The following ADCY5 variants were observed in gnomAD, a reference collection of about 807,000 sequenced individuals.
ADCY5 encodes adenylate cyclase type 5.
In ADCY5, 30 loss-of-function variants were observed where a neutral mutation model predicts 119.7. The ratio of observed to expected loss-of-function variants is 0.25; its 90% CI spans 0.19 to 0.34. The LOEUF (loss-of-function observed/expected upper bound fraction) is 0.34, where lower values mean the gene tolerates loss of function less well. Ranked by LOEUF, ADCY5 falls within the 10% of genes least tolerant of loss-of-function variation. The probability of loss-of-function intolerance (pLI) is 1.00; values close to 1 mark genes in which losing one functional copy is unlikely to be tolerated. For missense variants in ADCY5, 1,324 were observed against 1,775.2 expected (o/e 0.75, Z 4.57); for synonymous variants, 753 against 762.2 (o/e 0.99, Z 0.20).
intron 1 of ADCY5, among the ~76,000 whole-genome samples, chr3:123,400,766 G>A (rs1415588872): frequency 6.6e-6 from 1 of 152,168 alleles, no homozygotes; most frequent in African/African-American, 2.4e-5. Context: ...CCAATATGGT[G>A]AAACCCCATC....
rs146379370 is a variant in ADCY5, at chr3:123,447,550, G to T, written c.996C>A (p.Thr332=). 23 of 1,609,318 alleles carry T rather than the reference G, an allele frequency of 1.4e-5. No homozygotes were observed. The highest frequency in any genetic ancestry group is 1.6e-5 in the Non-Finnish European group (19 of 1,179,624). The change falls in exon 1 of 21, where the codon ACC becomes ACA. Residue 332 remains threonine, a synonymous_variant. Coordinates refer to ENST00000462833, the MANE Select transcript of ADCY5 (RefSeq NM_183357.3). Reference sequence around the variant, plus strand: ...TGTAGATGGTGTAGATGAAGAACACGGTCCACCAGATGCCCTCAGAGGCGC... The same window carrying T: ...TGTAGATGGTGTAGATGAAGAACACTGTCCACCAGATGCCCTCAGAGGCGC... ...PRSASEGIWW[T]VFFIYTIYTL...
rs1559851025 is a variant in ADCY5 at position 123,382,860 on chromosome 3, C to T, written c.1135-30279G>A. 2.6e-5 allele frequency among the ~76,000 whole-genome samples: 3 copies of T among 115,242 alleles called. No homozygotes were observed. In the South Asian group the frequency reaches 9.9e-4, roughly 38 times the overall value. 75.6% of individuals were successfully genotyped at this position (115,242 alleles called of 152,430 possible). On this transcript the variant is annotated intron_variant, in intron 1 of 20. Transcript: ENST00000462833. ...GTGGCTGCCCACCATGGTGAATGTA[C>T]GTAATGTCTGACTGGCACACTTAAA...
chr3:123,429,684 A>G (rs1250862475), intron 1 of ADCY5, among the ~76,000 whole-genome samples: 2 of 152,218 alleles, frequency 1.3e-5, no homozygotes, highest in African/African-American at 2.4e-5. Flanking sequence ...CCCATCCTCA[A>G]GAGGGCAGGG....
chr3:123,286,938 CTGTG>C lies in ADCY5; in HGVS notation c.3533-133_3533-130del. The C allele has an allele frequency of 6.1e-6, 8 of 1,307,738 alleles. No homozygotes were observed. The highest frequency in any genetic ancestry group is 8.1e-6 in the Non-Finnish European group (8 of 982,256). 81.0% of individuals were successfully genotyped at this position (1,307,738 alleles called of 1,614,324 possible). A position where few individuals can be genotyped will look rare whatever the true frequency, so the allele number is the denominator to read the frequency against. On this transcript the variant is annotated intron_variant, in intron 19 of 20. Transcript: ENST00000462833. This position sits in a 1 kb window ranked among gnomAD's most constrained non-coding sequence, Gnocchi z 4.2. Reference sequence around the variant, plus strand: ...CACCCGTGGGCTTCCAGGCCCAAGGCTGTGCTAAACCCTGCAGCCTCCCGCTACC... The same window carrying C: ...CACCCGTGGGCTTCCAGGCCCAAGGCCTAAACCCTGCAGCCTCCCGCTACC...
chr3:123,388,741 C>A (rs1274111481), intron 1 of ADCY5, among the ~76,000 whole-genome samples: 1 of 152,188 alleles, frequency 6.6e-6, no homozygotes, highest in African/African-American at 2.4e-5. Flanking sequence ...CCAGAGCAAG[C>A]AGTGCCAGGT....
At chr3:123,341,198 T>C (rs1247583955) in intron 3 of ADCY5, among the ~76,000 whole-genome samples, 2 of 152,084 alleles carry the variant, frequency 1.3e-5, no homozygotes, top group Non-Finnish European at 2.9e-5. Flanking sequence ...CTATTCACAA[T>C]AGCCAAAAAG....
At chr3:123,402,723 G>T (rs1398062220) in intron 1 of ADCY5, among the ~76,000 whole-genome samples, 1 of 151,988 alleles carries the variant, frequency 6.6e-6, no homozygotes, top group East Asian at 1.9e-4. Context: ...CGTGGTGGTG[G>T]GTGCCTGTAG....
chr3:123,327,660 G>A lies in ADCY5; in HGVS notation c.1905C>T (p.His635=), dbSNP rs1941559131. Residue 635 remains histidine, a synonymous_variant, in exon 7 of 21, where the codon CAC becomes CAT. Coordinates refer to ENST00000462833, the MANE Select transcript of ADCY5 (RefSeq NM_183357.3). ...GCAGGATGAGGAAGGTCTCGATACT[G>A]TGCTCCTTGAGGTAGGCGTTGCGCT... ...GGERNAYLKE[H]SIETFLILRC... is the part of the protein sequence containing the mutation. 1.9e-6 allele frequency: 3 copies of A among 1,614,126 alleles called. No homozygotes were observed. Among genetic ancestry groups the A allele is most frequent in the African/African-American group, 1.3e-5 (1 of 75,036 alleles).
chr3:123,302,032 G>C (rs1235294276), intron 14 of ADCY5, among the ~76,000 whole-genome samples: 1 of 152,254 alleles, frequency 6.6e-6, no homozygotes, highest in African/African-American at 2.4e-5. Context: ...CCCAGGCTGG[G>C]TGGGGGGCCC....
intron 1 of ADCY5, among the ~76,000 whole-genome samples, chr3:123,370,890 C>T (rs1943613771): frequency 1.3e-5 from 2 of 151,938 alleles, no homozygotes; most frequent in South Asian, 4.2e-4. Context: ...GAAATCACAA[C>T]ACACAGGGCA....
chr3:123,352,397 C>A lies in ADCY5; in HGVS notation c.1284+35G>T. 6.3e-7 allele frequency: 1 copy of A among 1,589,886 alleles called. No homozygotes were observed. On this transcript the variant is annotated intron_variant, in intron 2 of 20. Coordinates refer to ENST00000462833, the MANE Select transcript of ADCY5 (RefSeq NM_183357.3). This position sits in a 1 kb window ranked among gnomAD's most constrained non-coding sequence, Gnocchi z 4.8. ...CTGAGGTACATCTCAGGGCTCGACT[C>A]CGTCCCACTGTGCAAGGGCAGGGGC... is the stretch of plus-strand genomic sequence containing the variant.
intron 3 of ADCY5, among the ~76,000 whole-genome samples, chr3:123,338,708 A>T (rs1269467002): frequency 2.0e-5 from 3 of 152,218 alleles, no homozygotes; most frequent in African/African-American, 7.2e-5. Context: ...AGTCTCCTGC[A>T]TTCTATTCCA....
chr3:123,335,398 A>G (rs1002351064), intron 3 of ADCY5, among the ~76,000 whole-genome samples: 1 of 152,136 alleles, frequency 6.6e-6, no homozygotes, highest in African/African-American at 2.4e-5. Flanking sequence ...AAACAGTCAG[A>G]CACTATTTTA....
intron 3 of ADCY5, among the ~76,000 whole-genome samples, chr3:123,342,375 A>G (rs1942333760): frequency 6.6e-6 from 1 of 152,210 alleles, no homozygotes; most frequent in South Asian, 2.1e-4. Context: ...TAACCTTAAA[A>G]GTGGGAGGTG....
intron 1 of ADCY5, among the ~76,000 whole-genome samples, chr3:123,373,863 C>A (rs1198919130): frequency 1.3e-5 from 2 of 148,542 alleles, no homozygotes; most frequent in Non-Finnish European, 1.5e-5. Context: ...GGTGATTTGG[C>A]AACCTTGGGA....
At chr3:123,366,659 G>C (rs1217978806) in intron 1 of ADCY5, among the ~76,000 whole-genome samples, 1 of 152,166 alleles carries the variant, frequency 6.6e-6, no homozygotes, top group African/African-American at 2.4e-5. Flanking sequence ...GAGAATATAC[G>C]AATTTAAAAC....
intron 3 of ADCY5, among the ~76,000 whole-genome samples, chr3:123,338,630 G>A (rs1002073720): frequency 2.6e-5 from 4 of 152,230 alleles, no homozygotes; most frequent in Non-Finnish European, 4.4e-5. Flanking sequence ...CATGGCGGGT[G>A]CACAGAACTG....
At chr3:123,418,224 A>G (rs903130887) in intron 1 of ADCY5, among the ~76,000 whole-genome samples, 2 of 152,204 alleles carry the variant, frequency 1.3e-5, no homozygotes, top group African/African-American at 4.8e-5. Flanking sequence ...TGTGAACTTG[A>G]CTAGGCTAAG....
intron 1 of ADCY5, among the ~76,000 whole-genome samples, chr3:123,443,544 T>C (rs921699763): frequency 4.6e-5 from 7 of 152,014 alleles, no homozygotes; most frequent in African/African-American, 1.4e-4. Context: ...CCACCCCTCA[T>C]TTGTCTCCTC....
Sources: gnomAD v4.1 joint callset for allele counts (sites outside exome capture counted in the v4.1 genomes callset) on GRCh38, gnomAD v4.1.1 for gene constraint, Gnocchi (gnomAD v3.1) non-coding constraint, MANE v1.5 for transcripts, NCBI Gene and HGNC (gene_info 2026-07-23, HGNC 2026-07-21) for gene names.